Variants in PKIB observed in about 807,000 individuals in gnomAD.
PKIB encodes PKI-beta.
A neutral mutation model predicts 4.5 loss-of-function variants in PKIB; 2 were observed. The ratio of observed to expected loss-of-function variants is 0.44; its 90% CI spans 0.18 to 1.39. PKIB has a LOEUF of 1.39. Among genes scored for constraint, PKIB ranks in the 40% most tolerant of loss-of-function variants. The pLI is 0.27. For synonymous variants in PKIB, 38 were observed against 36.0 expected, an observed-to-expected ratio of 1.06 and a Z score of -0.20; for missense variants, 94 against 92.6, an observed-to-expected ratio of 1.02 and a Z score of -0.06.
intron 3 of PKIB, among the ~76,000 whole-genome samples, chr6:122,595,710 T>G (rs2114731627): frequency 6.6e-6 from 1 of 152,320 alleles, no homozygotes; most frequent in Non-Finnish European, 1.5e-5. Flanking sequence ...CACTCAGCAG[T>G]GGCTGTAACC....
At chr6:122,662,543 C>G (rs1777051584) in intron 2 of PKIB, among the ~76,000 whole-genome samples, 3 of 151,594 alleles carry the variant, frequency 2.0e-5, no homozygotes. Context: ...TGGTCTCGAA[C>G]TCCTGACATC....
At chr6:122,626,222 G>A (rs978253294) in intron 1 of PKIB, among the ~76,000 whole-genome samples, 2 of 152,200 alleles carry the variant, frequency 1.3e-5, no homozygotes, top group South Asian at 4.1e-4. Context: ...TTTCACAACT[G>A]TATAAATTCA....
chr6:122,508,916 A>T (rs1776504195), intron 2 of PKIB, among the ~76,000 whole-genome samples: 1 of 151,900 alleles, frequency 6.6e-6, no homozygotes, highest in Non-Finnish European at 1.5e-5. Flanking sequence ...ATGCCCAGCT[A>T]ATTTTTGTAT....
upstream of PKIB, among the ~76,000 whole-genome samples, chr6:122,605,606 C>T (rs1226125739): frequency 6.6e-6 from 1 of 152,084 alleles, no homozygotes; most frequent in Non-Finnish European, 1.5e-5. Context: ...ATATGGTCAT[C>T]CTGTAGACTC....
chr6:122,522,919 T>C (rs966106091), intron 2 of PKIB, among the ~76,000 whole-genome samples: 3 of 152,218 alleles, frequency 2.0e-5, no homozygotes, highest in Non-Finnish European at 4.4e-5. Context: ...GACAGAGAAC[T>C]TCATTAATTG....
chr6:122,719,508 A>C lies in PKIB; in HGVS notation c.169+1545A>C, dbSNP rs1779635561. Among the ~76,000 whole-genome samples, 4 of 152,158 alleles carry C rather than the reference A, an allele frequency of 2.6e-5. 1 individual carries two copies. In the South Asian group the frequency reaches 8.3e-4, roughly 31 times the overall value. On this transcript the variant is annotated intron_variant, in intron 4 of 4. Coordinates refer to ENST00000368452, the MANE Select transcript of PKIB (RefSeq NM_181795.3). Reference sequence around the variant, plus strand: ...CACATGATCTTATTCATGGAATCTGAAAGAGACAAACTGCTAGAATCAGAG... The same window carrying C: ...CACATGATCTTATTCATGGAATCTGCAAGAGACAAACTGCTAGAATCAGAG...
intron 2 of PKIB, among the ~76,000 whole-genome samples, chr6:122,635,673 G>C (rs1333013059): frequency 6.6e-6 from 1 of 151,912 alleles, no homozygotes; most frequent in Non-Finnish European, 1.5e-5. Context: ...TTCTAGGAAT[G>C]TTAAAGTGGT....
At chr6:122,492,413 T>C (rs1582655528) in intron 2 of PKIB, among the ~76,000 whole-genome samples, 1 of 152,256 alleles carries the variant, frequency 6.6e-6, no homozygotes, top group East Asian at 1.9e-4. Context: ...GGGCTCTTTA[T>C]CACTGATAAC....
intron 1 of PKIB, among the ~76,000 whole-genome samples, chr6:122,626,225 T>C (rs1775440042): frequency 6.6e-6 from 1 of 152,266 alleles, no homozygotes; most frequent in South Asian, 2.1e-4. Flanking sequence ...CACAACTGTA[T>C]AAATTCATCC....
Position 122,490,868 on chromosome 6 carries a change from A to G in PKIB, c.-248+12929A>G, listed in dbSNP as rs116250035. Among the ~76,000 whole-genome samples the G allele has an allele frequency of 2.6e-3, 401 of 152,342 alleles. 4 individuals are homozygous for G. Among genetic ancestry groups the G allele is most frequent in the African/African-American group, 9.1e-3 (377 of 41,582 alleles). On this transcript the variant is annotated intron_variant, in intron 2 of 6. Coordinates refer to the PKIB transcript ENST00000392491. The stretch of plus-strand genomic sequence containing the variant: ...CCCAGCTTTAGCCTCAGCTGAATCC[A>G]TAGGGAAGCTCTAGAACTAGAATGA...
chr6:122,621,494 G>T (rs534278930), intron 1 of PKIB, among the ~76,000 whole-genome samples: 1 of 152,292 alleles, frequency 6.6e-6, no homozygotes, highest in African/African-American at 2.4e-5. Context: ...GTGTCCAGAG[G>T]TGGTTATAAG....
chr6:122,543,169 G>A (rs1474513278), intron 2 of PKIB, among the ~76,000 whole-genome samples: 1 of 152,038 alleles, frequency 6.6e-6, no homozygotes. Flanking sequence ...CGCGTCCCGA[G>A]TGAGGCAATG....
chr6:122,523,905 G>T (rs1421291719), intron 2 of PKIB, among the ~76,000 whole-genome samples: 1 of 152,104 alleles, frequency 6.6e-6, no homozygotes, highest in Non-Finnish European at 1.5e-5. Flanking sequence ...ATGTGAAACT[G>T]TGAGTCCATT....
At chr6:122,576,710 A>ATATATATTT (rs59569106) in intron 2 of PKIB, among the ~76,000 whole-genome samples, 95 of 109,950 alleles carry the variant, frequency 8.6e-4, no homozygotes, top group Middle Eastern at 4.6e-3. Context: ...ATATATATAT[A>ATATATATTT]TTTTCTTTTG....
intron 2 of PKIB, among the ~76,000 whole-genome samples, chr6:122,663,800 A>C (rs1777109318): frequency 6.6e-6 from 1 of 152,024 alleles, no homozygotes; most frequent in African/African-American, 2.4e-5. Context: ...CATCATATTC[A>C]CATGTACTGG....
chr6:122,569,025 T>C (rs189703966), intron 2 of PKIB, among the ~76,000 whole-genome samples: 20 of 152,230 alleles, frequency 1.3e-4, no homozygotes, highest in African/African-American at 4.6e-4. Flanking sequence ...TTGCAAACTC[T>C]TCTGTGCACC....
chr6:122,499,715 T>A (rs373082623), intron 2 of PKIB, among the ~76,000 whole-genome samples: 4 of 152,272 alleles, frequency 2.6e-5, no homozygotes, highest in African/African-American at 9.6e-5. Context: ...GCCAGAGATA[T>A]GAGGGAAGAG....
intron 2 of PKIB, among the ~76,000 whole-genome samples, chr6:122,513,174 A>G (rs1776640014): frequency 6.6e-6 from 1 of 152,164 alleles, no homozygotes; most frequent in African/African-American, 2.4e-5. Flanking sequence ...ATTAATCTAC[A>G]TCCACTGCCA....
chr6:122,676,763 C>G (rs1455345671), intron 3 of PKIB, among the ~76,000 whole-genome samples: 1 of 152,164 alleles, frequency 6.6e-6, no homozygotes, highest in African/African-American at 2.4e-5. Flanking sequence ...AAGACCTCAG[C>G]AATTGTTTAA....
Sources: gnomAD v4.1 joint callset for allele counts (sites outside exome capture counted in the v4.1 genomes callset) on GRCh38, gnomAD v4.1.1 for gene constraint, MANE v1.5 for transcripts, NCBI Gene and HGNC (gene_info 2026-07-23, HGNC 2026-07-21) for gene names.